NALF1: variants seen among roughly 807,000 people sequenced by gnomAD.
The protein encoded by NALF1 is family with sequence similarity 155 member A.
In NALF1, 3 loss-of-function variants were observed where a neutral mutation model predicts 48.4. The observed-to-expected ratio is 0.06, with a 90% confidence interval of 0.03 to 0.16. The LOEUF is 0.16. Among genes scored for constraint, NALF1 ranks in the 10% least tolerant of loss-of-function variants. NALF1 has a pLI of 1.00. For synonymous variants in NALF1, 262 were observed against 245.7 expected, an observed-to-expected ratio of 1.07 and a Z score of -0.62; for missense variants, 526 against 571.5, an observed-to-expected ratio of 0.92 and a Z score of 0.81.
chr13:107,749,290 T>C (rs78261043), intron 1 of NALF1, among the ~76,000 whole-genome samples: 2,310 of 152,090 alleles, frequency 0.015, 35 homozygotes, highest in African/African-American at 0.044. Flanking sequence ...GCAAAGGAGC[T>C]AGAGAAAAAT....
intron 1 of NALF1, among the ~76,000 whole-genome samples, chr13:107,348,271 T>G: frequency 6.6e-6 from 1 of 152,336 alleles, no homozygotes. Context: ...TTAATTTAGC[T>G]CTTAAAATTA....
intron 1 of NALF1, among the ~76,000 whole-genome samples, chr13:107,682,385 T>C (rs564549293): frequency 2.6e-5 from 4 of 152,128 alleles, no homozygotes; most frequent in Admixed American, 2.0e-4. Flanking sequence ...ATCCTGAGGC[T>C]CTTCTAGTTC....
chr13:107,625,910 C>T (rs1014539281), intron 1 of NALF1, among the ~76,000 whole-genome samples: 3 of 152,022 alleles, frequency 2.0e-5, no homozygotes, highest in Non-Finnish European at 2.9e-5. Flanking sequence ...ACGAATGATA[C>T]ATGAGGGGTT....
intron 1 of NALF1, among the ~76,000 whole-genome samples, chr13:107,522,397 T>G (rs573546061): frequency 1.3e-5 from 2 of 152,322 alleles, no homozygotes; most frequent in African/African-American, 4.8e-5. Flanking sequence ...TCTAATCTTT[T>G]TGTGCATCCT....
chr13:107,843,890 T>C (rs928762041), intron 1 of NALF1, among the ~76,000 whole-genome samples: 1 of 152,170 alleles, frequency 6.6e-6, no homozygotes, highest in Non-Finnish European at 1.5e-5. Context: ...TAAAAAATTA[T>C]ATTGTGTAAC....
At chr13:107,409,881 G>A (rs1311353712) in intron 1 of NALF1, among the ~76,000 whole-genome samples, 1 of 152,134 alleles carries the variant, frequency 6.6e-6, no homozygotes, top group Non-Finnish European at 1.5e-5. Context: ...GAGTACTACT[G>A]CCTCTTTTAG....
chr13:107,475,243 C>G (rs1207062243), intron 1 of NALF1, among the ~76,000 whole-genome samples: 1 of 152,206 alleles, frequency 6.6e-6, no homozygotes, highest in African/African-American at 2.4e-5. Flanking sequence ...CTCTTCAATT[C>G]TGCGTATAGC....
At chr13:107,561,314 G>A (rs1463967239) in intron 1 of NALF1, among the ~76,000 whole-genome samples, 8 of 152,136 alleles carry the variant, frequency 5.3e-5, no homozygotes, top group Non-Finnish European at 1.0e-4. Context: ...AGTCTGAAAT[G>A]CCTCCTCAGC....
chr13:107,455,555 T>C (rs1271729202), intron 1 of NALF1, among the ~76,000 whole-genome samples: 1 of 152,128 alleles, frequency 6.6e-6, no homozygotes, highest in Non-Finnish European at 1.5e-5. Flanking sequence ...CACCCAGAGT[T>C]CATAGTTTAC....
At chr13:107,494,128 A>G (rs1317897596) in intron 1 of NALF1, among the ~76,000 whole-genome samples, 3 of 140,634 alleles carry the variant, frequency 2.1e-5, no homozygotes, top group African/African-American at 6.5e-5. Context: ...TGATAAAAAC[A>G]GAAGATTGTG....
intron 1 of NALF1, among the ~76,000 whole-genome samples, chr13:107,709,336 C>T (rs558245189): frequency 3.3e-5 from 5 of 152,144 alleles, no homozygotes; most frequent in Admixed American, 6.5e-5. Flanking sequence ...GGCATTTGTT[C>T]ATGCGTGTCA....
chr13:107,510,020 G>A (rs976784668), intron 1 of NALF1, among the ~76,000 whole-genome samples: 12 of 151,960 alleles, frequency 7.9e-5, no homozygotes, highest in Non-Finnish European at 1.6e-4. Flanking sequence ...TGTTGCCCAG[G>A]TTTGTCTTGA....
chr13:107,372,880 C>A (rs1054726135), intron 1 of NALF1, among the ~76,000 whole-genome samples: 14 of 152,310 alleles, frequency 9.2e-5, no homozygotes, highest in African/African-American at 3.4e-4. Context: ...AACTATTAAT[C>A]TAACTCTCTT....
chr13:107,337,113 G>A (rs1045208887), intron 1 of NALF1, among the ~76,000 whole-genome samples: 1 of 146,998 alleles, frequency 6.8e-6, no homozygotes, highest in African/African-American at 2.6e-5. Flanking sequence ...GCCACATCAC[G>A]GCATGGCTTC....
rs1335946827 is a variant in NALF1 at position 107,210,854 on chromosome 13, G to T, written c.916-99C>A. ...TGCAAGCGTGCTGTGGTTTCAAGTG[G>T]ATCCTAAGAGAGCCCTCATTGTGAG... On this transcript the variant is annotated intron_variant, in intron 1 of 2. Coordinates refer to ENST00000375915, the MANE Select transcript of NALF1 (RefSeq NM_001080396.3). The T allele has an allele frequency of 9.5e-6, 7 of 737,606 alleles. No homozygotes were observed. In the East Asian group the frequency reaches 1.6e-4, roughly 17 times the overall value. The allele number at this position is 737,606 out of a possible 1,614,324, so 45.7% of individuals were successfully genotyped here. A position where few individuals can be genotyped will look rare whatever the true frequency, so the allele number is the denominator to read the frequency against.
intron 1 of NALF1, among the ~76,000 whole-genome samples, chr13:107,680,757 G>A (rs959163268): frequency 6.6e-6 from 1 of 151,294 alleles, no homozygotes; most frequent in African/African-American, 2.4e-5. Flanking sequence ...GAGTGTAAGA[G>A]TATGTGAGTG....
intron 1 of NALF1, among the ~76,000 whole-genome samples, chr13:107,486,914 C>T (rs1172892637): frequency 6.6e-6 from 1 of 152,092 alleles, no homozygotes; most frequent in Non-Finnish European, 1.5e-5. Flanking sequence ...AAAGACTTCA[C>T]TAAGAGTCTA....
At position 107,464,816 on chromosome 13, in the gene NALF1, G is replaced by A. The variant is rs546691218; in HGVS notation, c.916-254061C>T. On this transcript the variant is annotated intron_variant, in intron 1 of 2. Coordinates refer to ENST00000375915, the MANE Select transcript of NALF1 (RefSeq NM_001080396.3). Reference sequence around the variant, plus strand: ...ATTACAGGCATGAGCCACCACACCCGGCGGCAATACAAATTTTTAGACCAT... The same window carrying A: ...ATTACAGGCATGAGCCACCACACCCAGCGGCAATACAAATTTTTAGACCAT... Among the ~76,000 whole-genome samples the A allele has an allele frequency of 1.8e-4, 27 of 152,116 alleles. 1 individual carries two copies. The highest frequency in any genetic ancestry group is 6.0e-4 in the African/African-American group (25 of 41,512).
At chr13:107,695,477 T>C (rs1281802728) in intron 1 of NALF1, among the ~76,000 whole-genome samples, 2 of 152,200 alleles carry the variant, frequency 1.3e-5, no homozygotes, top group Non-Finnish European at 2.9e-5. Context: ...AATACATCCC[T>C]TTAAAGGCAG....
Sources: gnomAD v4.1 joint callset for allele counts (sites outside exome capture counted in the v4.1 genomes callset) on GRCh38, gnomAD v4.1.1 for gene constraint, MANE v1.5 for transcripts, NCBI Gene and HGNC (gene_info 2026-07-23, HGNC 2026-07-21) for gene names.